Variants in SPATA13 observed in about 807,000 individuals in gnomAD.
SPATA13 encodes spermatogenesis associated 13.
SPATA13 carries 50 observed loss-of-function variants against 104.0 expected under a neutral mutation model. The observed-to-expected ratio is 0.48, with a 90% confidence interval of 0.38 to 0.61. The LOEUF is 0.61. SPATA13 is among the 20% of genes least tolerant of loss of function. The pLI is 0.00. For synonymous variants in SPATA13, 606 were observed against 667.5 expected, an observed-to-expected ratio of 0.91 and a Z score of 1.42; for missense variants, 1,524 against 1,690.6, an observed-to-expected ratio of 0.90 and a Z score of 1.73.
At position 24,224,055 on chromosome 13, in the gene SPATA13, G is replaced by A; in HGVS notation, c.1126G>A (p.Gly376Ser). 1 of 1,548,634 alleles carries A rather than the reference G, an allele frequency of 6.5e-7. No individual in the cohort carries two copies. Among genetic ancestry groups the A allele is most frequent in the East Asian group, 2.4e-5 (1 of 40,886 alleles). The change falls in exon 2 of 13, where the codon GGC becomes AGC. Residue 376 changes from glycine to serine, a missense_variant. This residue lies in a region of SPATA13 where 1,089 missense variants were observed against 1,135.9 expected (regional missense o/e 0.96). Transcript: ENST00000382108. ...SRSTEQDSRR[G>S]GAVMHGTTAT... ...GAGCACTGAGCAGGACAGCAGGCGG[G>A]GCGGGGCGGTCATGCATGGGACCAC... is the stretch of plus-strand genomic sequence containing the variant.
intron 3 of SPATA13, among the ~76,000 whole-genome samples, chr13:24,112,025 A>G (rs1272143491): frequency 6.6e-6 from 1 of 152,164 alleles, no homozygotes; most frequent in Non-Finnish European, 1.5e-5. Flanking sequence ...CAGTTGGCAA[A>G]TGGTAGTTCT....
chr13:24,187,634 A>C (rs754050890), intron 1 of SPATA13, among the ~76,000 whole-genome samples: 3 of 152,144 alleles, frequency 2.0e-5, no homozygotes, highest in Non-Finnish European at 4.4e-5. Context: ...CATTTAAATT[A>C]TTATATCTGT....
At chr13:24,097,215 G>C (rs1880113418) in intron 3 of SPATA13, among the ~76,000 whole-genome samples, 2 of 152,178 alleles carry the variant, frequency 1.3e-5, no homozygotes. Flanking sequence ...CTCATGCACT[G>C]ACAGTTCACT....
rs576687697 is a variant in SPATA13 at position 24,226,100 on chromosome 13, T to G, written c.1653+1518T>G. On this transcript the variant is annotated intron_variant, in intron 2 of 12. Coordinates refer to ENST00000382108, the MANE Select transcript of SPATA13 (RefSeq NM_001166271.3). ...ATAGGCTCAGAATGGAGGAAGTGCA[T>G]GCTGATTGGTCCATGGGCAGGCCTG... Among the ~76,000 whole-genome samples the G allele has an allele frequency of 5.3e-4, 80 of 152,294 alleles. 3 individuals carry two copies. In the South Asian group the frequency reaches 0.013, roughly 25 times the overall value.
chr13:24,061,724 G>C (rs1878778591), intron 3 of SPATA13, among the ~76,000 whole-genome samples: 1 of 152,076 alleles, frequency 6.6e-6, no homozygotes, highest in Non-Finnish European at 1.5e-5. Flanking sequence ...ATTGAGAGTG[G>C]AGTGTGGGAG....
At chr13:24,057,415 T>C (rs1451710659) in intron 3 of SPATA13, among the ~76,000 whole-genome samples, 1 of 152,006 alleles carries the variant, frequency 6.6e-6, no homozygotes, top group Non-Finnish European at 1.5e-5. Context: ...AGTGAGGTGG[T>C]TTTCTGATGC....
intron 3 of SPATA13, among the ~76,000 whole-genome samples, chr13:24,129,372 G>A (rs532777536): frequency 6.6e-6 from 1 of 152,284 alleles, no homozygotes; most frequent in African/African-American, 2.4e-5. Flanking sequence ...TTTCAGGATG[G>A]AAAAAAATTG....
chr13:24,183,588 T>C (rs1310084312), intron 1 of SPATA13, among the ~76,000 whole-genome samples: 4 of 140,710 alleles, frequency 2.8e-5, no homozygotes, highest in African/African-American at 1.1e-4. Context: ...TCTCAAAACA[T>C]TATGAGATTT....
At chr13:24,078,370 A>C (rs1289759909) in intron 3 of SPATA13, among the ~76,000 whole-genome samples, 1 of 152,210 alleles carries the variant, frequency 6.6e-6, no homozygotes, top group Non-Finnish European at 1.5e-5. Flanking sequence ...TACCATGGTA[A>C]GGGCTTTACA....
At position 24,051,611 on chromosome 13, in the gene SPATA13, A is replaced by G. The variant is rs145550929; in HGVS notation, c.-112+33910A>G. On this transcript the variant is annotated intron_variant, in intron 3 of 14. Transcript: ENST00000424834. This position sits in a 1 kb window ranked among gnomAD's most constrained non-coding sequence, Gnocchi z 4.2. ...CCTGCTGGTCTAGTAGAGTGGAGCC[A>G]GCGGAGACAATGCTCCCTGTTTGGG... Among the ~76,000 whole-genome samples the G allele has an allele frequency of 6.6e-6, 1 of 152,048 alleles. No individual in the cohort carries two copies. Among genetic ancestry groups the G allele is most frequent in the South Asian group, 2.1e-4 (1 of 4,820 alleles).
intron 12 of SPATA13, 90 bp from the exon 13 acceptor site, chr13:24,302,508 G>T: frequency 1.6e-6 from 1 of 619,702 alleles, no homozygotes; most frequent in South Asian, 2.6e-5. Flanking sequence ...TGAGAACTTG[G>T]ACTTGGAGTC....
chr13:24,108,771 TC>T (rs975218787), intron 3 of SPATA13, among the ~76,000 whole-genome samples: 1 of 152,018 alleles, frequency 6.6e-6, no homozygotes, highest in Non-Finnish European at 1.5e-5. Flanking sequence ...AGCCCACAGT[TC>T]CTTGGGATTT....
At position 23,982,281 on chromosome 13, in the gene SPATA13, G is replaced by A. The variant is rs141653590; in HGVS notation, c.-353-1446G>A. ...CTGGCTGGTCCTGCATGAAGACTTT[G>A]CTATGCATTTTCCACTGCAGCCTGG... On this transcript the variant is annotated intron_variant, in intron 1 of 14. Transcript: ENST00000424834. Among the ~76,000 whole-genome samples, 1,250 of 152,266 alleles carry A rather than the reference G, an allele frequency of 8.2e-3. 18 individuals carry two copies. Among genetic ancestry groups the A allele is most frequent in the African/African-American group, 0.027 (1,113 of 41,520 alleles).
chr13:24,070,234 C>T (rs887330568), intron 3 of SPATA13, among the ~76,000 whole-genome samples: 7 of 152,164 alleles, frequency 4.6e-5, no homozygotes, highest in African/African-American at 1.2e-4. Context: ...TTGGTTTGCA[C>T]GGTAAACATG....
At chr13:24,172,061 T>C (rs1279070663) in intron 1 of SPATA13, among the ~76,000 whole-genome samples, 2 of 152,240 alleles carry the variant, frequency 1.3e-5, no homozygotes, top group African/African-American at 2.4e-5. Flanking sequence ...TGCAGAACTT[T>C]CCCATCACCA....
rs184888840 is a variant in SPATA13 at position 23,988,814 on chromosome 13, A to G, written c.-147+4881A>G. Reference sequence around the variant, plus strand: ...TGTTCATTTCCTTTGTTCATTTGTCAGTCGGGCTGTTGGGTTTTTCTCCCC... The same window carrying G: ...TGTTCATTTCCTTTGTTCATTTGTCGGTCGGGCTGTTGGGTTTTTCTCCCC... On this transcript the variant is annotated intron_variant, in intron 2 of 14. Transcript: ENST00000424834. 5.3e-5 allele frequency among the ~76,000 whole-genome samples: 8 copies of G among 152,264 alleles called. No individual in the cohort carries two copies. The East Asian group carries it at 1.5e-3, about 29-fold the overall frequency.
chr13:24,059,112 C>CA (rs1878682993), intron 3 of SPATA13, among the ~76,000 whole-genome samples: 1 of 151,730 alleles, frequency 6.6e-6, no homozygotes, highest in South Asian at 2.1e-4. Context: ...GCTGGGACTA[C>CA]AGTCGCCCAC....
chr13:24,072,373 G>A (rs1879194477), intron 3 of SPATA13, among the ~76,000 whole-genome samples: 1 of 152,192 alleles, frequency 6.6e-6, no homozygotes, highest in Non-Finnish European at 1.5e-5. Flanking sequence ...GGGAAATCAA[G>A]CATTTGTATG....
At chr13:24,292,337 C>T (rs1356913368) in intron 9 of SPATA13, among the ~76,000 whole-genome samples, 2 of 152,228 alleles carry the variant, frequency 1.3e-5, no homozygotes, top group Non-Finnish European at 2.9e-5. Context: ...TTGGCTAATT[C>T]TGAGTTCTCA....
Sources: gnomAD v4.1 joint callset for allele counts (sites outside exome capture counted in the v4.1 genomes callset) on GRCh38, gnomAD v4.1.1 for gene constraint, gnomAD v4.1.1 regional missense constraint, Gnocchi (gnomAD v3.1) non-coding constraint, MANE v1.5 for transcripts, NCBI Gene and HGNC (gene_info 2026-07-23, HGNC 2026-07-21) for gene names.